The following CASK variants were observed in gnomAD, a reference collection of about 807,000 sequenced individuals.
The protein encoded by CASK is peripheral plasma membrane protein CASK.
CASK carries 4 observed loss-of-function variants against 82.9 expected under a neutral mutation model. That is an observed-to-expected ratio of 0.05 (90% CI 0.02 to 0.11). The LOEUF is 0.11. Among genes scored for constraint, CASK ranks in the 10% least tolerant of loss-of-function variants. The pLI, the probability that CASK is intolerant of heterozygous loss-of-function variation, is 1.00. For missense variants in CASK, 358 were observed against 720.9 expected (o/e 0.50, Z 5.76); for synonymous variants, 259 against 253.5 (o/e 1.02, Z -0.20).
chrX:41,565,450 A>G (rs2065297375), intron 16 of CASK, among the ~76,000 whole-genome samples: 1 of 112,173 alleles, frequency 8.9e-6, no homozygotes, highest in Non-Finnish European at 1.9e-5. Flanking sequence ...AGAGAATACT[A>G]TAAACACCTC....
intron 1 of CASK, among the ~76,000 whole-genome samples, chrX:41,869,722 G>C (rs961226508): frequency 2.0e-5 from 2 of 99,566 alleles, no homozygotes; most frequent in Non-Finnish European, 4.0e-5. Flanking sequence ...CTGAGGTACA[G>C]GAATTGCTTG....
At chrX:41,623,228 A>G (rs973644658) in intron 10 of CASK, among the ~76,000 whole-genome samples, 4 of 111,940 alleles carry the variant, frequency 3.6e-5, no homozygotes, top group Non-Finnish European at 7.5e-5. Flanking sequence ...TCATAAGATT[A>G]AATGAATTCT....
Position 41,549,888 on chromosome X carries a change from G to A in CASK, c.2039+3831C>T, listed in dbSNP as rs1302655074. 7.3e-5 allele frequency among the ~76,000 whole-genome samples: 8 copies of A among 109,275 alleles called. No homozygotes were observed. The East Asian group carries it at 1.4e-3, about 20-fold the overall frequency. The allele number at this position is 109,275 out of a possible 115,157, so 94.9% of individuals were successfully genotyped here. ...AAAAATAAAAATGGCTGGGTGCTGC[G>A]GTGGCTCACACCTGTAATCCTAGCA... On this transcript the variant is annotated intron_variant, in intron 21 of 26. Transcript: ENST00000378163.
chrX:41,861,685 T>C (rs2071478818), intron 1 of CASK, among the ~76,000 whole-genome samples: 1 of 103,516 alleles, frequency 9.7e-6, no homozygotes. Flanking sequence ...ACTTCCAATC[T>C]AGTAGGCTGC....
intron 18 of CASK, 27 bp from the exon 19 acceptor site, chrX:41,557,127 C>G: frequency 9.5e-7 from 1 of 1,053,924 alleles, no homozygotes; most frequent in Non-Finnish European, 1.3e-6. Context: ...GGTTCATTAA[C>G]ACAGAACACC....
chrX:41,865,475 T>C (rs185969712), intron 1 of CASK, among the ~76,000 whole-genome samples: 404 of 111,980 alleles, frequency 3.6e-3, no homozygotes, highest in Non-Finnish European at 5.9e-3. Context: ...TGCAACTGAC[T>C]GTTGGATAAA....
chrX:41,883,092 T>C (rs2148029588), intron 1 of CASK, among the ~76,000 whole-genome samples: 1 of 112,085 alleles, frequency 8.9e-6, no homozygotes, highest in African/African-American at 3.2e-5. Context: ...TGTTAGGTAG[T>C]GGCAAAACAT....
At chrX:41,799,096 G>A (rs145366322) in intron 2 of CASK, among the ~76,000 whole-genome samples, 10 of 112,460 alleles carry the variant, frequency 8.9e-5, no homozygotes, top group African/African-American at 1.6e-4. Flanking sequence ...GCAAATTTCC[G>A]TAATAAAATC....
At chrX:41,563,248 T>G (rs5918203) in intron 16 of CASK, among the ~76,000 whole-genome samples, 9,068 of 100,444 alleles carry the variant, frequency 0.09, 423 homozygotes, top group Non-Finnish European at 0.13. Flanking sequence ...TAGTCCTAAC[T>G]CAGGAGTCTG....
At chrX:41,921,456 A>G (rs1338441859) in intron 1 of CASK, among the ~76,000 whole-genome samples, 2 of 112,338 alleles carry the variant, frequency 1.8e-5, no homozygotes, top group Non-Finnish European at 3.8e-5. Context: ...ATTAAAATTA[A>G]TTGCACCTGT....
intron 15 of CASK, among the ~76,000 whole-genome samples, chrX:41,576,518 C>T (rs1220981578): frequency 8.9e-6 from 1 of 111,787 alleles, no homozygotes; most frequent in Non-Finnish European, 1.9e-5. Flanking sequence ...TACAAATTTA[C>T]TTGTTTAATG....
chrX:41,562,973 G>A lies in CASK; in HGVS notation c.1583-1329C>T, dbSNP rs151197523. The A allele has an allele frequency of 9.8e-3, 927 of 95,030 alleles. 30 individuals are homozygous for A. The highest frequency in any genetic ancestry group is 0.084 in the Admixed American group (627 of 7,421). The allele number at this position is 95,030 out of a possible 1,213,427, so 7.8% of individuals were successfully genotyped here. A position where few individuals can be genotyped will look rare whatever the true frequency, so the allele number is the denominator to read the frequency against. ...CTTGGGAGGCTGAGGCAGGAGAATCGCTTGAACCCGGAAGCAGAGGTTGCA... is the reference window on the plus strand; with the variant it reads ...CTTGGGAGGCTGAGGCAGGAGAATCACTTGAACCCGGAAGCAGAGGTTGCA... On this transcript the variant is annotated intron_variant, in intron 16 of 26. Transcript: ENST00000378163.
At chrX:41,883,530 G>A (rs1011031244) in intron 1 of CASK, among the ~76,000 whole-genome samples, 2 of 111,601 alleles carry the variant, frequency 1.8e-5, no homozygotes, top group Non-Finnish European at 3.8e-5. Flanking sequence ...AGAGCACAGA[G>A]GCCAGTAAGT....
chrX:41,840,857 C>G (rs1182354065), intron 2 of CASK, among the ~76,000 whole-genome samples: 2 of 112,005 alleles, frequency 1.8e-5, no homozygotes, highest in Non-Finnish European at 3.8e-5. Flanking sequence ...AAATGTTGAA[C>G]CAGTTTTGCA....
chrX:41,751,016 C>A lies in CASK; in HGVS notation c.279-5415G>T, dbSNP rs189406525. Among the ~76,000 whole-genome samples the A allele has an allele frequency of 1.3e-3, 147 of 112,571 alleles. 2 individuals are homozygous for A. Among genetic ancestry groups the A allele is most frequent in the African/African-American group, 4.6e-3 (143 of 31,047 alleles). On this transcript the variant is annotated intron_variant, in intron 3 of 26. Coordinates refer to ENST00000378163, the MANE Select transcript of CASK (RefSeq NM_001367721.1). ...ACAGAGCAAATCTGGATTTTTCCAA[C>A]CAGCATTTTTTCTGAGGATGACAAA...
At chrX:41,574,780 A>G (rs772596175) in intron 15 of CASK, among the ~76,000 whole-genome samples, 7 of 111,738 alleles carry the variant, frequency 6.3e-5, no homozygotes, top group Non-Finnish European at 1.1e-4. Flanking sequence ...AAGGGTAGGG[A>G]CTGTGTCTTT....
At chrX:41,784,662 G>A (rs140598739) in intron 3 of CASK, among the ~76,000 whole-genome samples, 1 of 111,363 alleles carries the variant, frequency 9.0e-6, no homozygotes, top group African/African-American at 3.3e-5. Context: ...CAGATCACAA[G>A]GTCAGGAGTT....
At chrX:41,671,896 T>C (rs1306320792) in intron 5 of CASK, among the ~76,000 whole-genome samples, 1 of 111,852 alleles carries the variant, frequency 8.9e-6, no homozygotes, top group East Asian at 2.8e-4. Context: ...GGAAAAAATA[T>C]ATTTTACACT....
intron 1 of CASK, among the ~76,000 whole-genome samples, chrX:41,877,536 A>G (rs1468678369): frequency 9.0e-6 from 1 of 111,520 alleles, no homozygotes; most frequent in African/African-American, 3.3e-5. Context: ...CAGAAAGATC[A>G]AAGCCCAGAG....
Sources: allele counts gnomAD v4.1 joint callset (sites outside exome capture counted in the v4.1 genomes callset), GRCh38; gene constraint gnomAD v4.1.1; transcripts MANE v1.5; gene names NCBI Gene and HGNC (gene_info 2026-07-23, HGNC 2026-07-21).